AHCYL1: variants seen among roughly 807,000 people sequenced by gnomAD.
AHCYL1 encodes the protein adenosylhomocysteinase like 1.
Under a neutral mutation model 79.3 loss-of-function variants are expected in AHCYL1, and 20 were observed. The ratio of observed to expected loss-of-function variants is 0.25; its 90% CI spans 0.18 to 0.37. The LOEUF (loss-of-function observed/expected upper bound fraction) is 0.37, where lower values mean the gene tolerates loss of function less well. AHCYL1 is among the 10% of genes least tolerant of loss of function. AHCYL1 has a pLI of 1.00. For synonymous variants in AHCYL1, 223 were observed against 242.2 expected (o/e 0.92, Z 0.74); for missense variants, 330 against 673.6 (o/e 0.49, Z 5.65).
At chr1:109,987,174 G>A (rs1389308479) in intron 1 of AHCYL1, among the ~76,000 whole-genome samples, 5 of 152,160 alleles carry the variant, frequency 3.3e-5, no homozygotes, top group African/African-American at 7.2e-5. Context: ...TTTCCCTAGT[G>A]ATGATAAAAG....
intron 15 of AHCYL1, among the ~76,000 whole-genome samples, chr1:110,020,327 T>C (rs1054002492): frequency 5.9e-5 from 9 of 152,190 alleles, no homozygotes; most frequent in African/African-American, 9.7e-5. Flanking sequence ...TGACACAGGG[T>C]CTTTCTAGCT....
intron 14 of AHCYL1, 129 bp downstream of exon 14, chr1:110,019,248 A>G: frequency 2.0e-6 from 2 of 988,434 alleles, no homozygotes; most frequent in Non-Finnish European, 3.0e-6. Context: ...AATTGTGGAA[A>G]CAGGTATTCT....
chr1:110,007,121 T>A (rs1244052891), intron 1 of AHCYL1, among the ~76,000 whole-genome samples: 1 of 152,168 alleles, frequency 6.6e-6, no homozygotes, highest in Non-Finnish European at 1.5e-5. Context: ...CAGCCACCTT[T>A]CTATATGAAA....
rs1056041523 is a variant in AHCYL1 at position 110,000,995 on chromosome 1, G to A, written c.121-8039G>A. 4 of 979,322 alleles carry A rather than the reference G, an allele frequency of 4.1e-6. No homozygotes were observed. The African/African-American group carries it at 5.3e-5, about 13-fold the overall frequency. 60.7% of individuals were successfully genotyped at this position (979,322 alleles called of 1,614,324 possible). A position where few individuals can be genotyped will look rare whatever the true frequency, so the allele number is the denominator to read the frequency against. On this transcript the variant is annotated intron_variant, in intron 1 of 16. Transcript: ENST00000369799. ...CTTGGTGTCCACCCTACTAGTAAGT[G>A]GGATTTCAAACTTCCTGTACAATCA... is the stretch of plus-strand genomic sequence containing the variant.
intron 1 of AHCYL1, among the ~76,000 whole-genome samples, chr1:109,989,833 A>G (rs1649661941): frequency 6.6e-6 from 1 of 152,226 alleles, no homozygotes; most frequent in Non-Finnish European, 1.5e-5. Flanking sequence ...ACACATGCTA[A>G]TGAGGTGCGT....
At chr1:110,001,348 G>A (rs1362364481) in intron 1 of AHCYL1, among the ~76,000 whole-genome samples, 3 of 151,990 alleles carry the variant, frequency 2.0e-5, no homozygotes, top group African/African-American at 4.8e-5. Context: ...CACCATGCCC[G>A]GCTAATTTTT....
chr1:109,999,468 T>G (rs1488268339), intron 1 of AHCYL1, among the ~76,000 whole-genome samples: 1 of 152,232 alleles, frequency 6.6e-6, no homozygotes, highest in African/African-American at 2.4e-5. Flanking sequence ...GGTAAGAACC[T>G]TCTGCTTTTT....
At chr1:109,991,055 G>A (rs1037527100) in intron 1 of AHCYL1, among the ~76,000 whole-genome samples, 8 of 152,120 alleles carry the variant, frequency 5.3e-5, no homozygotes, top group African/African-American at 1.7e-4. Context: ...AACTAGAGTG[G>A]AGCATCCATG....
intron 1 of AHCYL1, chr1:110,000,841 A>G (rs952406161): frequency 3.3e-6 from 2 of 601,964 alleles, no homozygotes; most frequent in African/African-American, 4.1e-5. Flanking sequence ...CTGTTTTCTC[A>G]TTTGTGAAGC....
chr1:110,012,926 G>T lies in AHCYL1; in HGVS notation c.507G>T (p.Gly169=). 1 of 1,612,662 alleles carries T rather than the reference G, an allele frequency of 6.2e-7. No individual in the cohort carries two copies. The highest frequency in any genetic ancestry group is 8.5e-7 in the Non-Finnish European group (1 of 1,179,682). Residue 169 remains glycine, a synonymous_variant, in exon 5 of 17, where the codon GGG becomes GGT. Transcript: ENST00000369799. ...AVLIETLCAL[G]AQCRWSACNI... is the part of the protein sequence containing the mutation. ...TGATTGAGACACTCTGTGCCCTGGG[G>T]GCTCAGTGCCGCTGGTCTGCTTGTA...
Position 110,019,568 on chromosome 1 carries a change from C to G in AHCYL1, c.1407C>G (p.Leu469=), listed in dbSNP as rs868690948. The G allele has an allele frequency of 6.2e-7, 1 of 1,612,522 alleles. No homozygotes were observed. Among genetic ancestry groups the G allele is most frequent in the South Asian group, 1.1e-5 (1 of 90,724 alleles). ...ATTQALALIE[L]YNAPEGRYKQ... is the part of the protein sequence containing the mutation. ...CTTAGGCTTTGGCACTGATAGAACT[C>G]TATAATGCACCCGAGGGGCGATACA... is the stretch of plus-strand genomic sequence containing the variant. The change falls in exon 15 of 17, where the codon CTC becomes CTG. Residue 469 remains leucine (L), a synonymous_variant. Coordinates refer to ENST00000369799, the MANE Select transcript of AHCYL1 (RefSeq NM_006621.7).
intron 1 of AHCYL1, among the ~76,000 whole-genome samples, chr1:109,995,856 T>A (rs1650001796): frequency 6.6e-6 from 1 of 152,224 alleles, no homozygotes; most frequent in Non-Finnish European, 1.5e-5. Flanking sequence ...ACTTGAAATC[T>A]CCCAGATTTA....
At chr1:110,017,027 G>GCC (rs1296316765) in intron 9 of AHCYL1, among the ~76,000 whole-genome samples, 1 of 152,068 alleles carries the variant, frequency 6.6e-6, no homozygotes, top group East Asian at 1.9e-4. Flanking sequence ...TAGCATTTTA[G>GCC]CCCCACAAGT....
chr1:110,015,742 C>T (rs774606433), intron 7 of AHCYL1, among the ~76,000 whole-genome samples: 5 of 152,176 alleles, frequency 3.3e-5, no homozygotes, highest in South Asian at 2.1e-4. Flanking sequence ...CTCCCATTTA[C>T]TCCATTGAGT....
chr1:110,018,738 C>T (rs897912913), intron 13 of AHCYL1, 88 bp downstream of exon 13: 1 of 1,193,726 alleles, frequency 8.4e-7, no homozygotes, highest in Non-Finnish European at 1.2e-6. Context: ...AATATTAGGC[C>T]TATGTTTCCC....
intron 1 of AHCYL1, among the ~76,000 whole-genome samples, chr1:109,996,572 C>T (rs1650042289): frequency 6.6e-6 from 1 of 152,194 alleles, no homozygotes; most frequent in Non-Finnish European, 1.5e-5. Context: ...CAGCAAAATG[C>T]ACACAGTCAT....
chr1:109,988,863 A>G (rs1306755613), intron 1 of AHCYL1, among the ~76,000 whole-genome samples: 1 of 152,274 alleles, frequency 6.6e-6, no homozygotes, highest in East Asian at 1.9e-4. Context: ...CACACCAAGT[A>G]GAGCCCCAAT....
At chr1:110,019,229 G>C in intron 14 of AHCYL1, 110 bp downstream of exon 14, 1 of 1,151,662 alleles carries the variant, frequency 8.7e-7, no homozygotes. Context: ...ATTCTTTTTT[G>C]ATGTAATAAA....
intron 1 of AHCYL1, among the ~76,000 whole-genome samples, chr1:109,994,457 GT>G (rs1435893492): frequency 6.6e-6 from 1 of 151,828 alleles, no homozygotes; most frequent in Non-Finnish European, 1.5e-5. Flanking sequence ...TTTTGTTTTT[GT>G]TTTTGTTTTT....
Sources: gnomAD v4.1 joint callset for allele counts (sites outside exome capture counted in the v4.1 genomes callset) on GRCh38, gnomAD v4.1.1 for gene constraint, MANE v1.5 for transcripts, NCBI Gene and HGNC (gene_info 2026-07-23, HGNC 2026-07-21) for gene names.